HOMER2: variants seen among roughly 807,000 people sequenced by gnomAD.
The protein encoded by HOMER2 is homer scaffold protein 2, also known as homer protein homolog 2.
Under a neutral mutation model 47.0 loss-of-function variants are expected in HOMER2, and 27 were observed. The observed-to-expected ratio is 0.57, with a 90% CI of 0.42 to 0.79. HOMER2 has a LOEUF of 0.79. Ranked by LOEUF, HOMER2 falls within the 30% of genes least tolerant of loss-of-function variation. HOMER2 has a pLI of 0.00. For synonymous variants in HOMER2, 161 were observed against 163.8 expected (o/e 0.98, Z 0.13); for missense variants, 443 against 435.0 (o/e 1.02, Z -0.16).
chr15:82,942,235 C>G (rs1424910107), intron 1 of HOMER2, among the ~76,000 whole-genome samples: 1 of 152,228 alleles, frequency 6.6e-6, no homozygotes, highest in Non-Finnish European at 1.5e-5. Context: ...CTCAGGAAGG[C>G]AGGGACTCTG....
chr15:82,944,055 T>A (rs961767246), intron 1 of HOMER2, among the ~76,000 whole-genome samples: 10 of 152,236 alleles, frequency 6.6e-5, no homozygotes, highest in South Asian at 2.1e-4. Context: ...ATTTTTTTTT[T>A]AAATCTCTCT....
At chr15:82,922,905 G>A (rs973294141) in intron 1 of HOMER2, among the ~76,000 whole-genome samples, 3 of 152,030 alleles carry the variant, frequency 2.0e-5, no homozygotes, top group African/African-American at 7.2e-5. Flanking sequence ...AATGCCCCCT[G>A]CTCATGTCAC....
At chr15:82,939,536 G>A (rs1471337658) in intron 1 of HOMER2, among the ~76,000 whole-genome samples, 2 of 152,168 alleles carry the variant, frequency 1.3e-5, no homozygotes, top group Non-Finnish European at 2.9e-5. Flanking sequence ...CAGGTGTCGT[G>A]GTGCAAACCT....
chr15:82,840,989 AACTG>A (rs1323069406), exon 2 of HOMER2: 2 of 152,152 alleles, frequency 1.3e-5, no homozygotes, highest in Non-Finnish European at 2.9e-5. Context: ...AAACACCAAT[AACTG>A]ACAAAGCAGA....
intron 1 of HOMER2, among the ~76,000 whole-genome samples, chr15:82,941,165 T>A (rs976771069): frequency 1.3e-5 from 2 of 151,976 alleles, no homozygotes; most frequent in Non-Finnish European, 2.9e-5. Flanking sequence ...TTTTCCTGGC[T>A]GGGTACAGTG....
chr15:82,892,744 A>C lies in HOMER2; in HGVS notation c.103T>G (p.Ser35Ala). The C allele has an allele frequency of 6.2e-7, 1 of 1,606,166 alleles. No individual in the cohort carries two copies. The highest frequency in any genetic ancestry group is 2.2e-5 in the East Asian group (1 of 44,848). Residue 35 changes from serine to alanine, a missense_variant, in exon 2 of 9, where the codon TCC becomes GCC. Physicochemically the swap from Ser to Ala is moderately conservative, Grantham distance 99. Transcript: ENST00000450735. ...TTCCTTGTGACATCATAGAAGTAGG[A>C]AACGGTGACCGCCTGCTTGCTCGCA... The part of the protein sequence containing the change: ...MPASKQAVTV[S>A]YFYDVTRNSY...
At chr15:82,978,574 C>A (rs548768121) in intron 1 of HOMER2, among the ~76,000 whole-genome samples, 2 of 152,120 alleles carry the variant, frequency 1.3e-5, no homozygotes, top group Non-Finnish European at 1.5e-5. Context: ...TTCATTTAGG[C>A]AGTGATATGG....
chr15:82,940,728 G>A (rs1198852513), intron 1 of HOMER2, among the ~76,000 whole-genome samples: 1 of 151,590 alleles, frequency 6.6e-6, no homozygotes, highest in Non-Finnish European at 1.5e-5. Flanking sequence ...AGGAGACTCT[G>A]TCTTAAAAAA....
intron 1 of HOMER2, among the ~76,000 whole-genome samples, chr15:82,904,839 CCAGGA>C (rs2151133209): frequency 6.6e-6 from 1 of 152,198 alleles, no homozygotes; most frequent in South Asian, 2.1e-4. Context: ...TTCCCTTCAC[CCAGGA>C]CAGCATGTCT....
chr15:82,928,960 A>AAAAAAAAAAAAAAAAAAAAAATG, intron 1 of HOMER2, among the ~76,000 whole-genome samples: 1 of 148,850 alleles, frequency 6.7e-6, no homozygotes, highest in Non-Finnish European at 1.5e-5. Flanking sequence ...AAAAAAAAAA[A>AAAAAAAAAAAAAAAAAAAAAATG]GCTGTCATGC....
At chr15:82,878,291 A>G (rs2052412805) in intron 2 of HOMER2, among the ~76,000 whole-genome samples, 1 of 152,122 alleles carries the variant, frequency 6.6e-6, no homozygotes, top group South Asian at 2.1e-4. Context: ...ACCCCCTGCT[A>G]TTTCCTTAAA....
chr15:82,848,974 G>A (rs753002174), downstream of HOMER2: 1 of 152,244 alleles, frequency 6.6e-6, no homozygotes, highest in African/African-American at 2.4e-5. Context: ...ACTAAATTCT[G>A]TGTACACATT....
chr15:82,979,740 A>C (rs571484574), intron 1 of HOMER2, among the ~76,000 whole-genome samples: 9 of 152,278 alleles, frequency 5.9e-5, no homozygotes, highest in African/African-American at 1.7e-4. Flanking sequence ...GTTTCTGGCA[A>C]GGGAAACTGC....
intron 1 of HOMER2, among the ~76,000 whole-genome samples, chr15:82,935,576 C>G (rs192228468): frequency 6.6e-6 from 1 of 152,288 alleles, no homozygotes; most frequent in East Asian, 1.9e-4. Context: ...CCACTCACCC[C>G]CTCAACCTGA....
downstream of HOMER2, among the ~76,000 whole-genome samples, chr15:82,848,730 G>C (rs993643566): frequency 6.6e-6 from 1 of 152,210 alleles, no homozygotes; most frequent in African/African-American, 2.4e-5. Context: ...ATTCCTAGGG[G>C]AGAAGGTGAT....
At chr15:82,866,950 AGGTGT>A (rs1210411580) in intron 3 of HOMER2, among the ~76,000 whole-genome samples, 3 of 152,214 alleles carry the variant, frequency 2.0e-5, no homozygotes, top group African/African-American at 7.2e-5. Context: ...TCATTTTTAA[AGGTGT>A]GGTATTAGTA....
exon 2 of HOMER2, chr15:82,838,239 G>T (rs1439399082): frequency 6.6e-6 from 1 of 152,632 alleles, no homozygotes; most frequent in Non-Finnish European, 1.5e-5. Flanking sequence ...CAGCGGTAGA[G>T]TGAAGAGATG....
intron 1 of HOMER2, among the ~76,000 whole-genome samples, chr15:82,895,025 G>A (rs896919970): frequency 4.6e-5 from 7 of 152,202 alleles, no homozygotes; most frequent in African/African-American, 1.7e-4. Context: ...AACACCAGCA[G>A]CATCAACCAT....
chr15:82,891,275 C>G (rs1194069384), intron 2 of HOMER2, among the ~76,000 whole-genome samples: 7 of 152,148 alleles, frequency 4.6e-5, no homozygotes, highest in African/African-American at 1.7e-4. Context: ...AGGCGTGAAC[C>G]TGGGCCAGGT....
Sources: gnomAD v4.1 joint callset for allele counts (sites outside exome capture counted in the v4.1 genomes callset) on GRCh38, gnomAD v4.1.1 for gene constraint, MANE v1.5 for transcripts, NCBI Gene and HGNC (gene_info 2026-07-23, HGNC 2026-07-21) for gene names.